Variants in DLGAP1 observed in about 807,000 individuals in gnomAD.
DLGAP1 encodes DLG associated protein 1.
A neutral mutation model predicts 90.8 loss-of-function variants in DLGAP1; 11 were observed. That is an observed-to-expected ratio of 0.12 (90% CI 0.08 to 0.20). DLGAP1 has a LOEUF of 0.20. DLGAP1 is among the 10% of genes least tolerant of loss of function. The pLI, the probability that DLGAP1 is intolerant of heterozygous loss-of-function variation, is 1.00. For missense variants in DLGAP1, 1,050 were observed against 1,333.8 expected (o/e 0.79, Z 3.31); for synonymous variants, 558 against 540.7 (o/e 1.03, Z -0.44).
intron 5 of DLGAP1, among the ~76,000 whole-genome samples, chr18:3,759,423 T>G (rs893927712): frequency 6.6e-6 from 1 of 152,212 alleles, no homozygotes; most frequent in African/African-American, 2.4e-5. Context: ...AATGAAGGTG[T>G]TGTCCTTTTC....
intron 5 of DLGAP1, among the ~76,000 whole-genome samples, chr18:3,809,034 C>T (rs1239630313): frequency 2.0e-5 from 3 of 152,150 alleles, no homozygotes; most frequent in Non-Finnish European, 4.4e-5. Flanking sequence ...CAATTATACA[C>T]GTCAGTGCTG....
chr18:3,962,415 T>C (rs1303088884), intron 3 of DLGAP1: 2 of 152,226 alleles, frequency 1.3e-5, no homozygotes, highest in Non-Finnish European at 2.9e-5. Context: ...TCATCCTACC[T>C]GCTCCTCATT....
At chr18:4,359,725 GGATT>G (rs2081592844) in intron 1 of DLGAP1, among the ~76,000 whole-genome samples, 1 of 152,090 alleles carries the variant, frequency 6.6e-6, no homozygotes, top group African/African-American at 2.4e-5. Flanking sequence ...CCTTGGACTA[GGATT>G]GATAATGGCA....
At chr18:4,426,425 G>C (rs534823143) in intron 1 of DLGAP1, among the ~76,000 whole-genome samples, 1 of 152,218 alleles carries the variant, frequency 6.6e-6, no homozygotes, top group South Asian at 2.1e-4. Context: ...TTGAATTCTT[G>C]TACTACCAGA....
At chr18:3,905,752 T>G (rs1398858337) in intron 3 of DLGAP1, among the ~76,000 whole-genome samples, 1 of 152,216 alleles carries the variant, frequency 6.6e-6, no homozygotes, top group Non-Finnish European at 1.5e-5. Flanking sequence ...AAGTGTGTTA[T>G]GTGGATCTCT....
chr18:4,444,401 TCTC>T (rs766581657), intron 1 of DLGAP1, among the ~76,000 whole-genome samples: 24 of 152,270 alleles, frequency 1.6e-4, no homozygotes, highest in Non-Finnish European at 3.1e-4. Flanking sequence ...TCCTTTGTAA[TCTC>T]CTCACAGCAT....
At chr18:3,870,899 A>G (rs900886628) in intron 4 of DLGAP1, among the ~76,000 whole-genome samples, 2 of 152,204 alleles carry the variant, frequency 1.3e-5, no homozygotes, top group African/African-American at 4.8e-5. Flanking sequence ...TTAAAGGAGG[A>G]ACACACCAAT....
At chr18:4,032,891 T>C (rs528099643) in intron 2 of DLGAP1, among the ~76,000 whole-genome samples, 2 of 152,344 alleles carry the variant, frequency 1.3e-5, no homozygotes, top group South Asian at 4.1e-4. Context: ...GTCACCTTTG[T>C]ATCCACAGTG....
At chr18:4,137,967 CTGCAACG>C (rs966544201) in intron 2 of DLGAP1, among the ~76,000 whole-genome samples, 9 of 152,060 alleles carry the variant, frequency 5.9e-5, no homozygotes, top group African/African-American at 2.2e-4. Flanking sequence ...ATTTTGTACC[CTGCAACG>C]TTACTGAATT....
At chr18:3,812,713 G>T (rs1432526638) in intron 5 of DLGAP1, among the ~76,000 whole-genome samples, 1 of 152,136 alleles carries the variant, frequency 6.6e-6, no homozygotes, top group Non-Finnish European at 1.5e-5. Flanking sequence ...ATAATTCATG[G>T]GAGGCCGTCT....
intron 7 of DLGAP1, chr18:3,708,327 A>G (rs1050860443): frequency 2.3e-6 from 1 of 431,928 alleles, no homozygotes; most frequent in Admixed American, 2.4e-5. Flanking sequence ...TCTGAGCAAG[A>G]ACACACATCT....
intron 9 of DLGAP1, among the ~76,000 whole-genome samples, chr18:3,536,118 C>T (rs1599112204): frequency 6.6e-6 from 1 of 152,276 alleles, no homozygotes; most frequent in African/African-American, 2.4e-5. Context: ...TTTCCAGGGG[C>T]AACTCTTACC....
At chr18:3,865,426 CT>C (rs1442358546) in intron 4 of DLGAP1, among the ~76,000 whole-genome samples, 1 of 152,118 alleles carries the variant, frequency 6.6e-6, no homozygotes, top group Non-Finnish European at 1.5e-5. Flanking sequence ...CTATTACAAC[CT>C]TTTTATATAT....
intron 2 of DLGAP1, among the ~76,000 whole-genome samples, chr18:4,101,881 T>C (rs571671607): frequency 6.6e-6 from 1 of 151,990 alleles, no homozygotes; most frequent in Admixed American, 6.6e-5. Flanking sequence ...GTTACAGATC[T>C]ATATTCATAT....
At chr18:4,380,157 T>C (rs2082086978) in intron 1 of DLGAP1, among the ~76,000 whole-genome samples, 1 of 152,158 alleles carries the variant, frequency 6.6e-6, no homozygotes, top group African/African-American at 2.4e-5. Flanking sequence ...ACTTGTAGTT[T>C]AAGGATTTTA....
At chr18:3,931,253 G>A (rs1248798212) in intron 3 of DLGAP1, among the ~76,000 whole-genome samples, 1 of 152,152 alleles carries the variant, frequency 6.6e-6, no homozygotes, top group Non-Finnish European at 1.5e-5. Flanking sequence ...CTTGGGAATT[G>A]GGGTTGAAAT....
intron 7 of DLGAP1, among the ~76,000 whole-genome samples, chr18:3,669,580 G>A (rs1245822177): frequency 1.3e-5 from 2 of 152,212 alleles, no homozygotes; most frequent in East Asian, 1.9e-4. Context: ...CCCGCACATG[G>A]ATCGATGCCA....
intron 7 of DLGAP1, among the ~76,000 whole-genome samples, chr18:3,692,657 T>C (rs992013764): frequency 2.0e-5 from 3 of 152,188 alleles, no homozygotes; most frequent in African/African-American, 7.2e-5. Flanking sequence ...AGCTCTTTGC[T>C]AGCTACTCAG....
In DLGAP1 at chr18:3,775,061, C is replaced by T. The variant is rs2064876774; in HGVS notation, c.1173-32549G>A. Among the ~76,000 whole-genome samples, 2 of 152,224 alleles carry T rather than the reference C, an allele frequency of 1.3e-5. No homozygotes were observed. The highest frequency in any genetic ancestry group is 4.1e-4 in the South Asian group (2 of 4,828). ...ACTTTTTTCACAAACCACTGTCGCT[C>T]TGCAGGCCCCACAGGCTTTGTCCCA... On this transcript the variant is annotated intron_variant, in intron 5 of 12. Coordinates refer to ENST00000315677, the MANE Select transcript of DLGAP1 (RefSeq NM_004746.4). The surrounding 1 kb of genome is among the most constrained non-coding windows in gnomAD (Gnocchi z 4.9).
Sources: allele counts gnomAD v4.1 joint callset (sites outside exome capture counted in the v4.1 genomes callset), GRCh38; gene constraint gnomAD v4.1.1; non-coding constraint Gnocchi (gnomAD v3.1); transcripts MANE v1.5; gene names NCBI Gene and HGNC (gene_info 2026-07-23, HGNC 2026-07-21).